OTUD7A: variants seen among roughly 807,000 people sequenced by gnomAD.
The protein encoded by OTUD7A is OTU deubiquitinase 7A, also known as OTU domain-containing protein 7A.
OTUD7A carries 12 observed loss-of-function variants against 65.7 expected under a neutral mutation model. The ratio of observed to expected loss-of-function variants is 0.18; its 90% CI spans 0.12 to 0.30. OTUD7A has a LOEUF of 0.30. Ranked by LOEUF, OTUD7A falls within the 10% of genes least tolerant of loss-of-function variation. The pLI, the probability that OTUD7A is intolerant of heterozygous loss-of-function variation, is 1.00. For missense variants in OTUD7A, 1,148 were observed against 1,304.8 expected (o/e 0.88, Z 1.85); for synonymous variants, 641 against 586.3 (o/e 1.09, Z -1.35).
At chr15:31,865,636 A>T (rs1897858086) in intron 1 of OTUD7A, among the ~76,000 whole-genome samples, 1 of 152,204 alleles carries the variant, frequency 6.6e-6, no homozygotes, top group Admixed American at 6.5e-5. Context: ...GGGTCTTCTC[A>T]GAGGTAGCAA....
chr15:31,745,398 G>C (rs1229834131), intron 1 of OTUD7A, among the ~76,000 whole-genome samples: 2 of 152,054 alleles, frequency 1.3e-5, no homozygotes, highest in Admixed American at 1.3e-4. Context: ...AAATACAGGA[G>C]AGCTAGAAAG....
At chr15:31,682,202 C>G (rs138449887) in intron 1 of OTUD7A, among the ~76,000 whole-genome samples, 3,016 of 152,296 alleles carry the variant, frequency 0.02, 122 homozygotes, top group African/African-American at 0.068. Context: ...GTCAAAAATT[C>G]TAACTAAGGA....
rs567351483 is a variant in OTUD7A, at chr15:31,729,982, C to T, written c.-99-72905G>A. On this transcript the variant is annotated intron_variant, in intron 1 of 12. Transcript: ENST00000307050. ...TATGAACTGAATGTCTGTGTCCCCA[C>T]CAAATTCATATATTGAAACCCTAGC... Among the ~76,000 whole-genome samples, 9 of 152,268 alleles carry T rather than the reference C, an allele frequency of 5.9e-5. No individual in the cohort carries two copies. In the East Asian group the frequency reaches 1.7e-3, roughly 29 times the overall value.
Position 31,635,288 on chromosome 15 carries a change from G to A in OTUD7A, c.151+19808C>T, listed in dbSNP as rs1160270551. The stretch of plus-strand genomic sequence containing the variant: ...GTACTAAATACGGCACTACCTTGGT[G>A]CTCCTGGGACCTACAGGTCACCTTG... On this transcript the variant is annotated intron_variant, in intron 3 of 12. Transcript: ENST00000307050. 6.0e-4 allele frequency among the ~76,000 whole-genome samples: 91 copies of A among 152,280 alleles called. 1 individual carries two copies. Among genetic ancestry groups the A allele is most frequent in the South Asian group, 5.0e-3 (24 of 4,822 alleles).
chr15:31,732,613 G>C (rs1414965755), intron 1 of OTUD7A, among the ~76,000 whole-genome samples: 1 of 152,172 alleles, frequency 6.6e-6, no homozygotes, highest in Non-Finnish European at 1.5e-5. Context: ...TTTCAACTGG[G>C]GCATACGTAA....
intron 1 of OTUD7A, among the ~76,000 whole-genome samples, chr15:31,785,826 C>T (rs578098026): frequency 4.6e-5 from 7 of 152,216 alleles, no homozygotes; most frequent in Non-Finnish European, 7.3e-5. Context: ...AGGAGAGCAG[C>T]ACCTTCCTTG....
At chr15:31,736,529 T>C (rs1482349840) in intron 1 of OTUD7A, among the ~76,000 whole-genome samples, 2 of 152,104 alleles carry the variant, frequency 1.3e-5, no homozygotes, top group African/African-American at 2.4e-5. Flanking sequence ...AAGAAAACTG[T>C]AGAAAAGAAT....
intron 1 of OTUD7A, among the ~76,000 whole-genome samples, chr15:31,856,101 T>C (rs1029688551): frequency 3.3e-5 from 5 of 152,132 alleles, no homozygotes; most frequent in Non-Finnish European, 5.9e-5. Context: ...AAATAAGACA[T>C]GTAACTTAAA....
At chr15:31,630,912 C>T (rs1413957602) in intron 3 of OTUD7A, among the ~76,000 whole-genome samples, 1 of 152,276 alleles carries the variant, frequency 6.6e-6, no homozygotes, top group South Asian at 2.1e-4. Flanking sequence ...ATTGCAACCC[C>T]TGCCTTTTTT....
At chr15:31,598,794 G>A (rs547364944) in intron 3 of OTUD7A, among the ~76,000 whole-genome samples, 147 of 152,292 alleles carry the variant, frequency 9.7e-4, no homozygotes, top group Non-Finnish European at 1.7e-3. Flanking sequence ...GTCTGAGGTC[G>A]ACCTGGGGCA....
chr15:31,740,140 G>A (rs1894300767), intron 1 of OTUD7A, among the ~76,000 whole-genome samples: 1 of 152,182 alleles, frequency 6.6e-6, no homozygotes, highest in South Asian at 2.1e-4. Context: ...GCCTCACTGA[G>A]AAGGTGATTC....
chr15:31,768,017 T>C lies in OTUD7A; in HGVS notation c.-100+102490A>G, dbSNP rs911879627. The stretch of plus-strand genomic sequence containing the variant: ...TTGCCTTGTAACTTCAGGACCAAAA[T>C]TGCTATTATTTCTTAATAGGTCATA... On this transcript the variant is annotated intron_variant, in intron 1 of 12. Transcript: ENST00000307050. 26 of 1,597,816 alleles carry C rather than the reference T, an allele frequency of 1.6e-5. No individual in the cohort carries two copies. The East Asian group carries it at 2.2e-4, about 14-fold the overall frequency.
intron 10 of OTUD7A, among the ~76,000 whole-genome samples, chr15:31,490,390 T>TAA (rs912228727): frequency 6.6e-6 from 1 of 151,754 alleles, no homozygotes; most frequent in Admixed American, 6.6e-5. Flanking sequence ...ACTTATTTTC[T>TAA]AAAAAAAAAT....
At chr15:31,753,714 ATATATAT>A (rs1567004984) in intron 1 of OTUD7A, among the ~76,000 whole-genome samples, 36 of 115,098 alleles carry the variant, frequency 3.1e-4, no homozygotes, top group African/African-American at 1.4e-3. Flanking sequence ...ATATATATAT[ATATATAT>A]TATATATATA....
At chr15:31,556,941 T>C (rs376070735) in intron 5 of OTUD7A, 1 of 21,686 alleles carries the variant, frequency 4.6e-5, no homozygotes, top group African/African-American at 6.6e-4. Flanking sequence ...TCTAGCTGAA[T>C]TGTTTTGTTT....
intron 3 of OTUD7A, among the ~76,000 whole-genome samples, chr15:31,603,467 G>A (rs1020471684): frequency 2.0e-5 from 3 of 152,102 alleles, no homozygotes; most frequent in Non-Finnish European, 4.4e-5. Flanking sequence ...AGACTTAAAC[G>A]TAAGACCTAA....
intron 1 of OTUD7A, among the ~76,000 whole-genome samples, chr15:31,783,596 T>C (rs565508643): frequency 6.6e-6 from 1 of 152,286 alleles, no homozygotes; most frequent in East Asian, 1.9e-4. Flanking sequence ...AAAGTATTAA[T>C]TGTATTAACT....
chr15:31,698,599 C>CG (rs1472187587), intron 1 of OTUD7A, among the ~76,000 whole-genome samples: 2 of 151,582 alleles, frequency 1.3e-5, no homozygotes, highest in African/African-American at 4.8e-5. Flanking sequence ...TAAAGGCTAC[C>CG]GAGGCCTGGG....
At chr15:31,618,489 T>C (rs1198929713) in intron 3 of OTUD7A, among the ~76,000 whole-genome samples, 2 of 152,168 alleles carry the variant, frequency 1.3e-5, no homozygotes, top group African/African-American at 4.8e-5. Context: ...TGTGAGATGG[T>C]ATCTCGTTGT....
Sources: gnomAD v4.1 joint callset for allele counts (sites outside exome capture counted in the v4.1 genomes callset) on GRCh38, gnomAD v4.1.1 for gene constraint, MANE v1.5 for transcripts, NCBI Gene and HGNC (gene_info 2026-07-23, HGNC 2026-07-21) for gene names.